DPH6: variants seen among roughly 807,000 people sequenced by gnomAD.
The protein encoded by DPH6 is diphthamine biosynthesis 6.
In DPH6, 33 loss-of-function variants were observed where a neutral mutation model predicts 38.2. The observed-to-expected ratio is 0.86, with a 90% confidence interval of 0.65 to 1.15. The LOEUF (loss-of-function observed/expected upper bound fraction) is 1.15. DPH6 is among the 50% of genes most tolerant of loss of function. The pLI is 0.00. For synonymous variants in DPH6, 108 were observed against 103.0 expected (o/e 1.05, Z -0.30); for missense variants, 325 against 320.0 (o/e 1.02, Z -0.12).
intron 3 of DPH6, among the ~76,000 whole-genome samples, chr15:35,248,763 C>T (rs1345257363): frequency 1.3e-5 from 2 of 152,136 alleles, no homozygotes; most frequent in Non-Finnish European, 2.9e-5. Context: ...TGTCCCCACA[C>T]TATAACAAAC....
At chr15:35,369,077 A>C (rs1336031010), downstream of DPH6, among the ~76,000 whole-genome samples, 1 of 151,910 alleles carries the variant, frequency 6.6e-6, no homozygotes, top group Non-Finnish European at 1.5e-5. Flanking sequence ...AGAAATCTAA[A>C]GAAAGGCAGA....
the DPH6 span, among the ~76,000 whole-genome samples, chr15:35,150,427 T>C: frequency 6.6e-6 from 1 of 152,218 alleles, no homozygotes; most frequent in Non-Finnish European, 1.5e-5. Flanking sequence ...AAGAATCTCA[T>C]TTGGTTTCCA....
Position 35,223,590 on chromosome 15 carries a change from G to A in DPH6, n.201-3008C>T, listed in dbSNP as rs570802507. On this transcript the variant is annotated intron_variant and non_coding_transcript_variant, in intron 3 of 3. Transcript: ENST00000560386. ...AGTCCCAGCTACTCGGGAGGCTGAG[G>A]CAGGAGAATGGCGTGAACCTGGGAG... 1.7e-4 allele frequency among the ~76,000 whole-genome samples: 26 copies of A among 152,210 alleles called. No homozygotes were observed. In the East Asian group the frequency reaches 5.0e-3, roughly 29 times the overall value.
intron 3 of DPH6, among the ~76,000 whole-genome samples, chr15:35,246,116 C>T (rs976529210): frequency 6.6e-6 from 1 of 152,134 alleles, no homozygotes; most frequent in Non-Finnish European, 1.5e-5. Flanking sequence ...TTTACCTACC[C>T]AAATCCTATA....
chr15:35,464,825 C>T (rs2054108701), intron 3 of DPH6, among the ~76,000 whole-genome samples: 1 of 152,160 alleles, frequency 6.6e-6, no homozygotes, highest in South Asian at 2.1e-4. Flanking sequence ...CAAGAACATA[C>T]ACACATGAGG....
At chr15:35,334,442 G>A (rs942253550) in intron 3 of DPH6, among the ~76,000 whole-genome samples, 1 of 151,888 alleles carries the variant, frequency 6.6e-6, no homozygotes, top group Non-Finnish European at 1.5e-5. Flanking sequence ...AGGATGTGCA[G>A]GTTTGTAACA....
chr15:35,250,806 G>A (rs76222315), intron 3 of DPH6, among the ~76,000 whole-genome samples: 4 of 152,086 alleles, frequency 2.6e-5, no homozygotes, highest in African/African-American at 4.8e-5. Context: ...GCAGAGCCAC[G>A]TATAAAGCTT....
chr15:35,386,626 G>T (rs1275901502), intron 6 of DPH6, among the ~76,000 whole-genome samples: 11 of 152,084 alleles, frequency 7.2e-5, no homozygotes, highest in Non-Finnish European at 1.2e-4. Context: ...TGTGTTTTTT[G>T]ACTGCATAAA....
At chr15:35,394,871 T>C (rs748080849) in intron 6 of DPH6, among the ~76,000 whole-genome samples, 1 of 152,198 alleles carries the variant, frequency 6.6e-6, no homozygotes, top group Non-Finnish European at 1.5e-5. Flanking sequence ...AGGTAAAAAC[T>C]AGCTTGATTT....
chr15:35,302,629 C>A (rs1306740388), intron 3 of DPH6, among the ~76,000 whole-genome samples: 2 of 152,138 alleles, frequency 1.3e-5, no homozygotes, highest in Admixed American at 1.3e-4. Flanking sequence ...CCTTCGAGAT[C>A]ACTAATTTTT....
intron 5 of DPH6, among the ~76,000 whole-genome samples, chr15:35,440,366 C>G (rs2053771453): frequency 6.6e-6 from 1 of 152,124 alleles, no homozygotes; most frequent in Non-Finnish European, 1.5e-5. Flanking sequence ...CTGTCCTTAC[C>G]CACCCCTTTT....
chr15:35,379,648 T>C (rs2140935644), intron 7 of DPH6, among the ~76,000 whole-genome samples: 1 of 152,306 alleles, frequency 6.6e-6, no homozygotes, highest in Middle Eastern at 3.4e-3. Context: ...CATTTCAATT[T>C]TAAAGAGGAG....
At chr15:35,447,536 C>G (rs546390090) in intron 5 of DPH6, among the ~76,000 whole-genome samples, 1 of 152,134 alleles carries the variant, frequency 6.6e-6, no homozygotes, top group South Asian at 2.1e-4. Context: ...CCCACAGGGA[C>G]AGTAAAACAG....
At chr15:35,473,913 AGTGTGTGTGTGT>A (rs58549209) in intron 3 of DPH6, among the ~76,000 whole-genome samples, 3,638 of 126,844 alleles carry the variant, frequency 0.029, 127 homozygotes, top group African/African-American at 0.08. Flanking sequence ...CACTGTGCAC[AGTGTGTGTGTGT>A]GTGTGTGTGT....
intron 3 of DPH6, chr15:35,238,137 T>C: frequency 9.9e-7 from 1 of 1,005,912 alleles, no homozygotes; most frequent in Non-Finnish European, 1.5e-6. Flanking sequence ...CCCGCTCCAA[T>C]CCTGCCCCCT....
chr15:35,543,303 T>TATATATATATATATATATA (rs2079007192), intron 1 of DPH6, among the ~76,000 whole-genome samples: 1 of 125,914 alleles, frequency 7.9e-6, no homozygotes, highest in Non-Finnish European at 1.7e-5. Flanking sequence ...TATATATATA[T>TATATATATATATATATATA]GATGGCAGCA....
chr15:35,298,749 C>A (rs755379455), intron 3 of DPH6: 15 of 1,531,548 alleles, frequency 9.8e-6, no homozygotes, highest in Middle Eastern at 1.9e-4. Flanking sequence ...ACCGTGCCCC[C>A]CAAGTTAGCG....
At chr15:35,304,270 C>T (rs2052073301) in intron 3 of DPH6, among the ~76,000 whole-genome samples, 1 of 152,118 alleles carries the variant, frequency 6.6e-6, no homozygotes, top group African/African-American at 2.4e-5. Flanking sequence ...CTAGAACTCA[C>T]TACTGCTGAT....
chr15:35,520,457 A>G, intron 3 of DPH6: 2 of 984,122 alleles, frequency 2.0e-6, no homozygotes, highest in Non-Finnish European at 2.4e-6. Flanking sequence ...ATTAAGTTCC[A>G]TATATTTTCT....
Sources: allele counts gnomAD v4.1 joint callset (sites outside exome capture counted in the v4.1 genomes callset), GRCh38; gene constraint gnomAD v4.1.1; transcripts MANE v1.5; gene names NCBI Gene and HGNC (gene_info 2026-07-23, HGNC 2026-07-21).